UVSSA: variants seen among roughly 807,000 people sequenced by gnomAD.
UVSSA encodes UV-stimulated scaffold protein A.
In UVSSA, 72 loss-of-function variants were observed where a neutral mutation model predicts 73.9. The ratio of observed to expected loss-of-function variants is 0.97; its 90% confidence interval spans 0.81 to 1.19. The LOEUF (loss-of-function observed/expected upper bound fraction) is 1.19. UVSSA is among the 50% of genes most tolerant of loss of function. The probability of loss-of-function intolerance (pLI) is 0.00; values close to 1 mark genes in which losing one functional copy is unlikely to be tolerated. For synonymous variants in UVSSA, 454 were observed against 391.3 expected, an observed-to-expected ratio of 1.16 and a Z score of -1.89; for missense variants, 1,150 against 965.0, an observed-to-expected ratio of 1.19 and a Z score of -2.54.
chr4:1,380,671 TC>T (rs1389726657), intron 11 of UVSSA: 1 of 1,536,570 alleles, frequency 6.5e-7, no homozygotes, highest in Non-Finnish European at 8.8e-7. Context: ...ACCTTCCGGC[TC>T]CAGAGGAGGG....
In UVSSA at chr4:1,354,791, G is replaced by C. The variant is rs1473072206; in HGVS notation, c.991G>C (p.Asp331His). ...CCTTGCTCTCATCCACGCCGCCCGC[G>C]ACACACTCAAGCTCATCCGGAACAA... ...DNLALIHAAR[D>H]TLKLIRNKFL... The change falls in exon 6 of 14, where the codon GAC becomes CAC. Residue 331 changes from aspartate to histidine, a missense_variant. Coordinates refer to ENST00000389851, the MANE Select transcript of UVSSA (RefSeq NM_020894.4). The C allele has an allele frequency of 6.2e-7, 1 of 1,613,482 alleles. No homozygotes were observed. The highest frequency in any genetic ancestry group is 8.5e-7 in the Non-Finnish European group (1 of 1,179,912).
chr4:1,362,771 A>G (rs1716823842), intron 7 of UVSSA, among the ~76,000 whole-genome samples: 2 of 152,126 alleles, frequency 1.3e-5, no homozygotes, highest in Non-Finnish European at 2.9e-5. Flanking sequence ...ACCACGTGGA[A>G]GGGGGGCTTC....
chr4:1,354,886 G>A, intron 6 of UVSSA, 39 bp downstream of exon 6: 1 of 1,444,620 alleles, frequency 6.9e-7, no homozygotes, highest in Non-Finnish European at 9.6e-7. Context: ...GGAGGGACGT[G>A]TGCAGAGTGC....
intron 11 of UVSSA, among the ~76,000 whole-genome samples, chr4:1,380,433 GC>G (rs1015612827): frequency 2.6e-5 from 4 of 152,196 alleles, no homozygotes; most frequent in Non-Finnish European, 5.9e-5. Context: ...CCTGCCCACG[GC>G]CCTGAAGCCT....
chr4:1,369,649 G>C (rs1036615570), intron 8 of UVSSA, among the ~76,000 whole-genome samples: 2 of 152,226 alleles, frequency 1.3e-5, no homozygotes, highest in African/African-American at 4.8e-5. Context: ...TACAAGGCCA[G>C]CTGAACTAGG....
chr4:1,378,871 C>G (rs1329065919), intron 10 of UVSSA, among the ~76,000 whole-genome samples: 1 of 152,266 alleles, frequency 6.6e-6, no homozygotes, highest in African/African-American at 2.4e-5. Context: ...CGAGACGCCT[C>G]TGCCTGTAGT....
At chr4:1,394,803 A>G (rs1248987678) in exon 14 of UVSSA, 2 of 1,475,624 alleles carry the variant, frequency 1.4e-6, no homozygotes, top group Non-Finnish European at 1.8e-6. Flanking sequence ...CCACCTGCTC[A>G]CACACGTGCC....
In UVSSA at chr4:1,384,099, G is replaced by C; in HGVS notation, c.2036+159G>C. Reference sequence around the variant, plus strand: ...GGGGACCACCCAGCCTTTCCCCGGGGAGGGGCAGTGCCAGCCAGCAGGGGC... The same window carrying C: ...GGGGACCACCCAGCCTTTCCCCGGGCAGGGGCAGTGCCAGCCAGCAGGGGC... On this transcript the variant is annotated intron_variant, in intron 13 of 13. Coordinates refer to ENST00000389851, the MANE Select transcript of UVSSA (RefSeq NM_020894.4). The C allele has an allele frequency of 4.4e-6, 4 of 905,488 alleles. 1 individual carries two copies. In the South Asian group the frequency reaches 7.2e-5, roughly 16 times the overall value. 56.1% of individuals were successfully genotyped at this position (905,488 alleles called of 1,614,324 possible).
At chr4:1,349,911 A>G (rs1714428062) in intron 3 of UVSSA, 57 bp downstream of exon 3, 1 of 1,425,406 alleles carries the variant, frequency 7.0e-7, no homozygotes. Context: ...AGGAGGGCAG[A>G]CGATACCAGG....
chr4:1,382,376 A>G (rs1440465008), intron 12 of UVSSA, among the ~76,000 whole-genome samples: 1 of 152,104 alleles, frequency 6.6e-6, no homozygotes, highest in African/African-American at 2.4e-5. Flanking sequence ...TTTACTAACT[A>G]CGGTATTGAT....
At chr4:1,354,160 C>T (rs1373016086) in intron 5 of UVSSA, among the ~76,000 whole-genome samples, 1 of 152,234 alleles carries the variant, frequency 6.6e-6, no homozygotes, top group African/African-American at 2.4e-5. Context: ...CTCAGCTGCC[C>T]AGAGGTGCCT....
Position 1,383,809 on chromosome 4 carries a change from A to G in UVSSA, c.1905A>G (p.Thr635=). ...TGATGAGAGACGTGGAAGCAGCCAC[A>G]GGGCAGGATCTCGGCTCATCCAGGT... ...PELMRDVEAA[T]GQDLGSSRYS... Residue 635 remains threonine (T), a synonymous_variant, in exon 13 of 14, where the codon ACA becomes ACG. Coordinates refer to ENST00000389851, the MANE Select transcript of UVSSA (RefSeq NM_020894.4). 3.1e-6 allele frequency: 5 copies of G among 1,613,698 alleles called. No individual in the cohort carries two copies. Among genetic ancestry groups the G allele is most frequent in the African/African-American group, 1.3e-5 (1 of 75,040 alleles).
intron 8 of UVSSA, 170 bp from the exon 9 acceptor site, chr4:1,375,194 G>A (rs1718602256): frequency 3.6e-6 from 4 of 1,107,702 alleles, no homozygotes; most frequent in South Asian, 2.9e-5. Flanking sequence ...CTGAGCTGCT[G>A]CTCCGGGCCT....
chr4:1,379,609 C>A (rs967348247), intron 10 of UVSSA, among the ~76,000 whole-genome samples: 1 of 152,220 alleles, frequency 6.6e-6, no homozygotes, highest in African/African-American at 2.4e-5. Flanking sequence ...CCTGTCCTTA[C>A]GTCCCTGCAG....
At chr4:1,343,765 T>C (rs929068228), upstream of UVSSA, among the ~76,000 whole-genome samples, 1 of 151,994 alleles carries the variant, frequency 6.6e-6, no homozygotes, top group Non-Finnish European at 1.5e-5. Context: ...CCAGCCTGGG[T>C]GACAAGAGTG....
chr4:1,392,361 G>A (rs1007941054), downstream of UVSSA: 4 of 152,260 alleles, frequency 2.6e-5, no homozygotes, highest in African/African-American at 4.8e-5. Flanking sequence ...AGTTTCTGCT[G>A]TCTCTGTTGC....
Position 1,386,717 on chromosome 4 carries a change from G to C in UVSSA, c.*756G>C, listed in dbSNP as rs200546473. On this transcript the variant is annotated 3_prime_UTR_variant, in exon 14 of 14. Coordinates refer to ENST00000389851, the MANE Select transcript of UVSSA (RefSeq NM_020894.4). ...TGATTTATCTTGAGTTGTAACAGTT[G>C]TTTTTTTTGTTTTTCCTTTTAGAGA... 1.3e-5 allele frequency: 2 copies of C among 151,510 alleles called. No individual in the cohort carries two copies. Among genetic ancestry groups the C allele is most frequent in the Non-Finnish European group, 2.9e-5 (2 of 67,956 alleles). The allele number at this position is 151,510 out of a possible 1,614,324, so 9.4% of individuals were successfully genotyped here.
chr4:1,373,426 G>A (rs1006608656), intron 8 of UVSSA, among the ~76,000 whole-genome samples: 4 of 152,172 alleles, frequency 2.6e-5, no homozygotes, highest in Non-Finnish European at 5.9e-5. Context: ...ATTAAGGGTG[G>A]ATCTGCCTTC....
exon 14 of UVSSA, chr4:1,393,508 T>C (rs1720452419): frequency 6.8e-6 from 1 of 146,652 alleles, no homozygotes; most frequent in Admixed American, 6.8e-5. Context: ...TGAGCCAGGA[T>C]CAAGCCATTG....
Sources: gnomAD v4.1 joint callset for allele counts (sites outside exome capture counted in the v4.1 genomes callset) on GRCh38, gnomAD v4.1.1 for gene constraint, MANE v1.5 for transcripts, NCBI Gene and HGNC (gene_info 2026-07-23, HGNC 2026-07-21) for gene names.